GPHN: variants seen among roughly 807,000 people sequenced by gnomAD.
The protein encoded by GPHN is gephyrin.
GPHN carries 17 observed loss-of-function variants against 95.5 expected under a neutral mutation model. The ratio of observed to expected loss-of-function variants is 0.18; its 90% CI spans 0.12 to 0.27. The LOEUF (loss-of-function observed/expected upper bound fraction) is 0.27. Ranked by LOEUF, GPHN falls within the 10% of genes least tolerant of loss-of-function variation. The pLI is 1.00. For missense variants in GPHN, 660 were observed against 978.1 expected, an observed-to-expected ratio of 0.67 and a Z score of 4.34; for synonymous variants, 320 against 322.5, an observed-to-expected ratio of 0.99 and a Z score of 0.08.
chr14:67,600,294 G>T, the GPHN span: 12 of 1,141,690 alleles, frequency 1.1e-5, no homozygotes, highest in Non-Finnish European at 1.4e-5. Context: ...GCTTCCGGCA[G>T]CCGCGTCACC....
At chr14:66,680,797 G>A (rs960850713) in intron 1 of GPHN, among the ~76,000 whole-genome samples, 1 of 151,996 alleles carries the variant, frequency 6.6e-6, no homozygotes, top group African/African-American at 2.4e-5. Flanking sequence ...ACTTGCTACT[G>A]TGTACTAGTA....
At chr14:67,188,067 G>A in the GPHN span, among the ~76,000 whole-genome samples, 2 of 152,120 alleles carry the variant, frequency 1.3e-5, no homozygotes, top group Non-Finnish European at 2.9e-5. Flanking sequence ...GCACTCACCA[G>A]GGACTGAATG....
chr14:67,585,852 G>T, the GPHN span: 3 of 1,300,888 alleles, frequency 2.3e-6, no homozygotes, highest in South Asian at 4.1e-5. Context: ...CCACTTGGGA[G>T]TTCTCCTTTC....
the GPHN span, chr14:67,695,655 G>A: frequency 6.2e-7 from 1 of 1,614,192 alleles, no homozygotes; most frequent in Non-Finnish European, 8.5e-7. Context: ...GCCATATACA[G>A]AAGGAAGGGC....
At chr14:66,735,886 T>A (rs2072216884) in intron 2 of GPHN, among the ~76,000 whole-genome samples, 1 of 152,164 alleles carries the variant, frequency 6.6e-6, no homozygotes, top group Non-Finnish European at 1.5e-5. Context: ...GACATTATTT[T>A]TATTTCTTGT....
chr14:67,436,879 G>T, the GPHN span, among the ~76,000 whole-genome samples: 1 of 152,098 alleles, frequency 6.6e-6, no homozygotes, highest in Non-Finnish European at 1.5e-5. Context: ...AACAGAGTGA[G>T]ACCCCATCTC....
chr14:67,708,920 G>A, the GPHN span, among the ~76,000 whole-genome samples: 1 of 151,680 alleles, frequency 6.6e-6, no homozygotes, highest in African/African-American at 2.4e-5. Flanking sequence ...AGCCTCACGA[G>A]TAGCTGGGAC....
intron 8 of GPHN, among the ~76,000 whole-genome samples, chr14:66,927,348 C>CAAA (rs144817350): frequency 3.0e-5 from 3 of 100,102 alleles, no homozygotes; most frequent in African/African-American, 8.9e-5. Flanking sequence ...GACTCCATCT[C>CAAA]AAAAAAAAAA....
the GPHN span, chr14:67,392,610 G>A: frequency 2.6e-6 from 4 of 1,525,424 alleles, no homozygotes; most frequent in Non-Finnish European, 3.6e-6. Context: ...ATTCTGTTGT[G>A]TCTTCCTTAA....
At chr14:67,010,288 C>T (rs375651347) in intron 9 of GPHN, among the ~76,000 whole-genome samples, 125 of 151,638 alleles carry the variant, frequency 8.2e-4, no homozygotes, top group African/African-American at 2.8e-3. Context: ...CGGTGGCTCA[C>T]GCCTGTAATC....
chr14:67,151,120 G>A (rs113215739), intron 18 of GPHN, among the ~76,000 whole-genome samples: 2,548 of 152,224 alleles, frequency 0.017, 59 homozygotes, highest in African/African-American at 0.057. Flanking sequence ...AAATAGGAAG[G>A]CAAACACTTC....
At chr14:67,565,505 G>A in the GPHN span, among the ~76,000 whole-genome samples, 1 of 152,106 alleles carries the variant, frequency 6.6e-6, no homozygotes, top group Non-Finnish European at 1.5e-5. Flanking sequence ...TCAGCCATAA[G>A]AGCCACCTTA....
chr14:66,868,343 G>C (rs532868008), intron 4 of GPHN, among the ~76,000 whole-genome samples: 9 of 152,196 alleles, frequency 5.9e-5, no homozygotes, highest in African/African-American at 1.7e-4. Context: ...TTTTCACAGA[G>C]TCACTATGCA....
chr14:66,829,267 T>C (rs2061495506), intron 4 of GPHN, among the ~76,000 whole-genome samples: 1 of 151,982 alleles, frequency 6.6e-6, no homozygotes, highest in South Asian at 2.1e-4. Context: ...TTTATATTTT[T>C]AGTAGAGACA....
chr14:67,088,923 G>A lies in GPHN; in HGVS notation c.1145-60G>A. On this transcript the variant is annotated intron_variant, in intron 11 of 22. Coordinates refer to ENST00000478722, the MANE Select transcript of GPHN (RefSeq NM_020806.5). Reference sequence around the variant, plus strand: ...AAGCACTCATGCCCATCTTGTTTATGACTGCCTGCTTACCCATTGCTCTCC... The same window carrying A: ...AAGCACTCATGCCCATCTTGTTTATAACTGCCTGCTTACCCATTGCTCTCC... The A allele has an allele frequency of 4.3e-6, 4 of 933,820 alleles. No homozygotes were observed. The South Asian group carries it at 5.3e-5, about 12-fold the overall frequency. The allele number at this position is 933,820 out of a possible 1,614,324, so 57.8% of individuals were successfully genotyped here. A position where few individuals can be genotyped will look rare whatever the true frequency, so the allele number is the denominator to read the frequency against.
At chr14:67,266,366 C>G in the GPHN span, among the ~76,000 whole-genome samples, 1 of 152,028 alleles carries the variant, frequency 6.6e-6, no homozygotes, top group African/African-American at 2.4e-5. Context: ...CACTCTGTTG[C>G]CCAGTCTGAA....
At chr14:66,636,955 C>A (rs376947936) in intron 1 of GPHN, among the ~76,000 whole-genome samples, 3 of 152,104 alleles carry the variant, frequency 2.0e-5, no homozygotes, top group Non-Finnish European at 4.4e-5. Context: ...TAAAATTTCA[C>A]AACGCTACTC....
At chr14:66,689,117 A>G (rs1337416732) in intron 2 of GPHN, among the ~76,000 whole-genome samples, 1 of 152,130 alleles carries the variant, frequency 6.6e-6, no homozygotes, top group Non-Finnish European at 1.5e-5. Flanking sequence ...TTTTTGTTCC[A>G]GAACTTAGAG....
the GPHN span, chr14:67,323,611 ATC>A: frequency 3.6e-6 from 1 of 280,228 alleles, no homozygotes; most frequent in Non-Finnish European, 6.2e-6. Flanking sequence ...AAGTCCCTTA[ATC>A]TAATATATAT....
Sources: gnomAD v4.1 joint callset for allele counts (sites outside exome capture counted in the v4.1 genomes callset) on GRCh38, gnomAD v4.1.1 for gene constraint, MANE v1.5 for transcripts, NCBI Gene and HGNC (gene_info 2026-07-23, HGNC 2026-07-21) for gene names.